SPAG16: variants seen among roughly 807,000 people sequenced by gnomAD.
The protein encoded by SPAG16 is sperm associated antigen 16.
SPAG16 carries 86 observed loss-of-function variants against 80.4 expected under a neutral mutation model. The ratio of observed to expected loss-of-function variants is 1.07; its 90% confidence interval spans 0.90 to 1.28. The LOEUF (loss-of-function observed/expected upper bound fraction) is 1.28, where lower values mean the gene tolerates loss of function less well. Ranked by LOEUF, SPAG16 falls within the 50% of genes most tolerant of loss-of-function variation. SPAG16 has a pLI of 0.00. For synonymous variants in SPAG16, 294 were observed against 265.9 expected, an observed-to-expected ratio of 1.11 and a Z score of -1.03; for missense variants, 870 against 765.3, an observed-to-expected ratio of 1.14 and a Z score of -1.61.
chr2:214,373,873 A>C (rs1455680802), intron 15 of SPAG16, among the ~76,000 whole-genome samples: 2 of 152,222 alleles, frequency 1.3e-5, no homozygotes. Context: ...TGATTCCTTC[A>C]ACTAAAGATC....
In SPAG16 at chr2:213,680,623, C is replaced by T. The variant is rs144371917; in HGVS notation, c.1071-181862C>T. The stretch of plus-strand genomic sequence containing the variant: ...GTAGAGCATCCTTGCAAGTAGGGAG[C>T]TACTTACACTTTCTCTTCCTAATAA... On this transcript the variant is annotated intron_variant, in intron 10 of 15. Coordinates refer to ENST00000331683, the MANE Select transcript of SPAG16 (RefSeq NM_024532.5). Among the ~76,000 whole-genome samples, 7 of 152,084 alleles carry T rather than the reference C, an allele frequency of 4.6e-5. No individual in the cohort carries two copies. The East Asian group carries it at 1.4e-3, about 30-fold the overall frequency.
intron 10 of SPAG16, among the ~76,000 whole-genome samples, chr2:213,698,081 C>G (rs2065238675): frequency 6.6e-6 from 1 of 152,052 alleles, no homozygotes; most frequent in Non-Finnish European, 1.5e-5. Context: ...CCTTTTCAAC[C>G]TCTTTGTTAA....
chr2:213,596,726 A>G (rs1466141076), intron 10 of SPAG16, among the ~76,000 whole-genome samples: 1 of 152,128 alleles, frequency 6.6e-6, no homozygotes, highest in African/African-American at 2.4e-5. Flanking sequence ...AAAGACAAAG[A>G]TTGAGCTCTC....
chr2:213,452,631 T>C (rs936249201), intron 9 of SPAG16, among the ~76,000 whole-genome samples: 1 of 152,214 alleles, frequency 6.6e-6, no homozygotes, highest in Non-Finnish European at 1.5e-5. Context: ...TTTAGTGACT[T>C]CCCATTGTTG....
At chr2:214,177,024 C>A (rs1281460787) in intron 15 of SPAG16, among the ~76,000 whole-genome samples, 1 of 150,904 alleles carries the variant, frequency 6.6e-6, no homozygotes, top group East Asian at 1.9e-4. Flanking sequence ...TTCTGGAGTG[C>A]TGATGAATAT....
intron 7 of SPAG16, among the ~76,000 whole-genome samples, chr2:213,350,982 A>G (rs150025587): frequency 7.2e-6 from 1 of 138,196 alleles, no homozygotes; most frequent in African/African-American, 2.7e-5. Context: ...AAAAAAAAAA[A>G]CAAAAAACAA....
At chr2:213,972,288 AATAT>A (rs997968742) in intron 12 of SPAG16, among the ~76,000 whole-genome samples, 1 of 150,494 alleles carries the variant, frequency 6.6e-6, no homozygotes, top group Admixed American at 6.6e-5. Flanking sequence ...TATACATATA[AATAT>A]ATATAATATA....
At chr2:213,426,754 GGTGTGTGT>G (rs148203065) in intron 9 of SPAG16, among the ~76,000 whole-genome samples, 11 of 140,628 alleles carry the variant, frequency 7.8e-5, no homozygotes, top group Middle Eastern at 3.6e-3. Context: ...GCATAAATCT[GGTGTGTGT>G]GTGTGTGTGT....
At chr2:213,637,414 G>T (rs1007439230) in intron 10 of SPAG16, among the ~76,000 whole-genome samples, 1 of 152,112 alleles carries the variant, frequency 6.6e-6, no homozygotes, top group Non-Finnish European at 1.5e-5. Context: ...TCTTTGTTAT[G>T]TCCTTTTCTT....
chr2:214,410,020 C>G lies in SPAG16; in HGVS notation c.1721-120C>G, dbSNP rs1333197348. 5 of 1,039,704 alleles carry G rather than the reference C, an allele frequency of 4.8e-6. No homozygotes were observed. In the Admixed American group the frequency reaches 6.6e-5, roughly 14 times the overall value. 64.4% of individuals were successfully genotyped at this position (1,039,704 alleles called of 1,614,324 possible). On this transcript the variant is annotated intron_variant, in intron 15 of 15. Transcript: ENST00000331683. Reference sequence around the variant, plus strand: ...ACAGGAGCTACTGCATATTTAATAACTGACCCCTAACACAGAATGATAATT... The same window carrying G: ...ACAGGAGCTACTGCATATTTAATAAGTGACCCCTAACACAGAATGATAATT...
chr2:213,650,829 C>T (rs2062992792), intron 10 of SPAG16, among the ~76,000 whole-genome samples: 1 of 152,182 alleles, frequency 6.6e-6, no homozygotes, highest in African/African-American at 2.4e-5. Context: ...CTTGTCATTT[C>T]ATCTAAATTT....
intron 15 of SPAG16, among the ~76,000 whole-genome samples, chr2:214,190,350 T>A (rs1300930142): frequency 6.6e-6 from 1 of 152,106 alleles, no homozygotes; most frequent in African/African-American, 2.4e-5. Flanking sequence ...AGAAATAATT[T>A]GAAAATTTTT....
chr2:213,729,167 G>A (rs567846462), intron 10 of SPAG16, among the ~76,000 whole-genome samples: 54 of 152,050 alleles, frequency 3.6e-4, no homozygotes, highest in African/African-American at 1.2e-3. Flanking sequence ...TAAAATATGC[G>A]GTTATCAAAA....
intron 15 of SPAG16, among the ~76,000 whole-genome samples, chr2:214,339,745 A>T (rs1559225567): frequency 6.6e-6 from 1 of 152,236 alleles, no homozygotes; most frequent in Non-Finnish European, 1.5e-5. Context: ...TTGTCTTTTT[A>T]AAATTCCCTC....
chr2:213,638,603 G>C (rs2062461013), intron 10 of SPAG16, among the ~76,000 whole-genome samples: 1 of 152,140 alleles, frequency 6.6e-6, no homozygotes, highest in Non-Finnish European at 1.5e-5. Context: ...TGTGGTCTGA[G>C]AGAGTACTTG....
chr2:214,170,052 A>G (rs566171882), intron 15 of SPAG16, among the ~76,000 whole-genome samples: 1 of 152,104 alleles, frequency 6.6e-6, no homozygotes, highest in African/African-American at 2.4e-5. Context: ...TAAATAATAT[A>G]AATTTTATAC....
At chr2:214,083,369 T>C (rs1324077380) in intron 13 of SPAG16, among the ~76,000 whole-genome samples, 2 of 152,178 alleles carry the variant, frequency 1.3e-5, no homozygotes, top group African/African-American at 2.4e-5. Flanking sequence ...AGGCAGTTTT[T>C]TTTTTCTTAT....
At chr2:213,908,855 G>A (rs2077537417) in intron 11 of SPAG16, among the ~76,000 whole-genome samples, 1 of 150,504 alleles carries the variant, frequency 6.6e-6, no homozygotes, top group African/African-American at 2.4e-5. Context: ...CATGTGCCAT[G>A]CTGGTGTGCT....
At chr2:214,085,239 G>A (rs570486555) in intron 13 of SPAG16, among the ~76,000 whole-genome samples, 13 of 152,184 alleles carry the variant, frequency 8.5e-5, no homozygotes, top group African/African-American at 2.9e-4. Context: ...AGGCATGGTG[G>A]TGCCTTCCTG....
Sources: gnomAD v4.1 joint callset for allele counts (sites outside exome capture counted in the v4.1 genomes callset) on GRCh38, gnomAD v4.1.1 for gene constraint, MANE v1.5 for transcripts, NCBI Gene and HGNC (gene_info 2026-07-23, HGNC 2026-07-21) for gene names.